Variants in SHISA9 observed in about 807,000 individuals in gnomAD.
SHISA9 encodes protein shisa-9.
In SHISA9, 13 loss-of-function variants were observed where a neutral mutation model predicts 38.0. That is an observed-to-expected ratio of 0.34 (90% CI 0.22 to 0.54). The LOEUF (loss-of-function observed/expected upper bound fraction) is 0.54, where lower values mean the gene tolerates loss of function less well. Ranked by LOEUF, SHISA9 falls within the 20% of genes least tolerant of loss-of-function variation. The pLI is 0.91. For missense variants in SHISA9, 538 were observed against 575.8 expected (o/e 0.93, Z 0.67); for synonymous variants, 275 against 242.0 (o/e 1.14, Z -1.27).
chr16:12,959,046 G>A lies in SHISA9; in HGVS notation c.691+42231G>A, dbSNP rs117524228. Reference sequence around the variant, plus strand: ...CTTGGGCAAAACCTTAAAGGCCATGGTACAGAGCTGGAATCTTATATTGCA... The same window carrying A: ...CTTGGGCAAAACCTTAAAGGCCATGATACAGAGCTGGAATCTTATATTGCA... On this transcript the variant is annotated intron_variant, in intron 2 of 4. Coordinates refer to ENST00000558583, the MANE Select transcript of SHISA9 (RefSeq NM_001145204.3). 5.9e-3 allele frequency among the ~76,000 whole-genome samples: 899 copies of A among 152,288 alleles called. 8 individuals carry two copies. Among genetic ancestry groups the A allele is most frequent in the Middle Eastern group, 0.034 (10 of 294 alleles).
intron 2 of SHISA9, among the ~76,000 whole-genome samples, chr16:13,073,093 T>G (rs1018148501): frequency 6.6e-6 from 1 of 152,190 alleles, no homozygotes; most frequent in Non-Finnish European, 1.5e-5. Flanking sequence ...GCTCGTCCCT[T>G]ATTCCCATTT....
chr16:13,441,988 G>C, the SHISA9 span, among the ~76,000 whole-genome samples: 2 of 152,218 alleles, frequency 1.3e-5, no homozygotes, highest in Admixed American at 1.3e-4. Flanking sequence ...TGCAAACTCA[G>C]CTGCCTCCAG....
At position 12,945,591 on chromosome 16, in the gene SHISA9, T is replaced by C. The variant is rs1422698335; in HGVS notation, c.691+28776T>C. Among the ~76,000 whole-genome samples, 5 of 152,366 alleles carry C rather than the reference T, an allele frequency of 3.3e-5. No homozygotes were observed. In the East Asian group the frequency reaches 7.7e-4, roughly 24 times the overall value. On this transcript the variant is annotated intron_variant, in intron 2 of 4. Transcript: ENST00000558583. ...AAATAATTGTTACAAGAACAAGTTC[T>C]GGGTTCAAATTCAGACTCCACCACT...
intron 2 of SHISA9, among the ~76,000 whole-genome samples, chr16:13,000,954 G>C (rs1359582484): frequency 6.6e-6 from 1 of 152,060 alleles, no homozygotes; most frequent in Non-Finnish European, 1.5e-5. Context: ...TTTTGAGATG[G>C]AGTCTCACTC....
intron 2 of SHISA9, among the ~76,000 whole-genome samples, chr16:13,018,591 G>T (rs1596588113): frequency 6.6e-6 from 1 of 152,216 alleles, no homozygotes; most frequent in Admixed American, 6.5e-5. Context: ...CAGGCAGGGG[G>T]TGTGGAGACT....
intron 2 of SHISA9, among the ~76,000 whole-genome samples, chr16:13,103,560 C>A (rs775931327): frequency 6.6e-6 from 1 of 152,092 alleles, no homozygotes; most frequent in Admixed American, 6.5e-5. Flanking sequence ...AGTAACCCAA[C>A]CTGCCTAGGC....
At chr16:13,077,660 G>A (rs2073599147) in intron 2 of SHISA9, among the ~76,000 whole-genome samples, 1 of 152,162 alleles carries the variant, frequency 6.6e-6, no homozygotes, top group Admixed American at 6.5e-5. Flanking sequence ...TCAAAGTCAA[G>A]TGTTGGAGAA....
the SHISA9 span, among the ~76,000 whole-genome samples, chr16:13,498,739 A>C: frequency 6.6e-6 from 1 of 152,208 alleles, no homozygotes; most frequent in African/African-American, 2.4e-5. Flanking sequence ...CCTGGGTGAC[A>C]GAGTGAGACT....
chr16:13,317,827 T>C, the SHISA9 span, among the ~76,000 whole-genome samples: 1 of 152,092 alleles, frequency 6.6e-6, no homozygotes, highest in Non-Finnish European at 1.5e-5. Context: ...ACTTCATGAT[T>C]TTTTTTCCAG....
chr16:13,495,460 A>T, the SHISA9 span, among the ~76,000 whole-genome samples: 1 of 152,168 alleles, frequency 6.6e-6, no homozygotes, highest in African/African-American at 2.4e-5. Context: ...TAAGAACTAT[A>T]AAGAAAGAAA....
At chr16:13,354,370 T>C in the SHISA9 span, among the ~76,000 whole-genome samples, 2 of 134,944 alleles carry the variant, frequency 1.5e-5, no homozygotes, top group Admixed American at 1.5e-4. Flanking sequence ...AGAAGGAAAT[T>C]TGGGGAAATG....
chr16:13,026,642 C>T lies in SHISA9; in HGVS notation c.691+109827C>T, dbSNP rs73516746. Among the ~76,000 whole-genome samples, 771 of 151,890 alleles carry T rather than the reference C, an allele frequency of 5.1e-3. 5 individuals carry two copies. The highest frequency in any genetic ancestry group is 0.017 in the African/African-American group (708 of 41,238). ...TTCTATGTTTAATCTTTTGAGAAAC[C>T]TCTATATTGTGTTTCACAGCAGCTG... On this transcript the variant is annotated intron_variant, in intron 2 of 4. Transcript: ENST00000558583.
chr16:13,042,894 C>G (rs921627476), intron 2 of SHISA9, among the ~76,000 whole-genome samples: 1 of 152,152 alleles, frequency 6.6e-6, no homozygotes, highest in Non-Finnish European at 1.5e-5. Context: ...CCCTGGCACA[C>G]GGTAGAGGCT....
the SHISA9 span, among the ~76,000 whole-genome samples, chr16:13,490,539 T>C: frequency 6.6e-6 from 1 of 152,208 alleles, no homozygotes; most frequent in African/African-American, 2.4e-5. Flanking sequence ...CACCCCAGCC[T>C]GGGCAACAGA....
At chr16:13,166,463 G>C (rs1050478076) in intron 2 of SHISA9, among the ~76,000 whole-genome samples, 1 of 152,192 alleles carries the variant, frequency 6.6e-6, no homozygotes, top group Non-Finnish European at 1.5e-5. Flanking sequence ...AGATTGGAGA[G>C]ACTTTTCCTA....
At chr16:13,172,634 G>A (rs913593491) in intron 2 of SHISA9, among the ~76,000 whole-genome samples, 5 of 151,838 alleles carry the variant, frequency 3.3e-5, no homozygotes, top group Non-Finnish European at 7.4e-5. Flanking sequence ...AAGAGCCGTC[G>A]TTGAGTCTTC....
At chr16:13,489,111 A>G in the SHISA9 span, among the ~76,000 whole-genome samples, 1 of 151,864 alleles carries the variant, frequency 6.6e-6, no homozygotes, top group Admixed American at 6.6e-5. Flanking sequence ...TAATGGCACT[A>G]TCTCAGCTCA....
intron 4 of SHISA9, among the ~76,000 whole-genome samples, chr16:13,226,605 A>G (rs1014619781): frequency 1.3e-5 from 2 of 152,218 alleles, no homozygotes; most frequent in African/African-American, 4.8e-5. Context: ...TCCAAATCTT[A>G]GTTGCTGAGC....
the SHISA9 span, among the ~76,000 whole-genome samples, chr16:13,362,765 C>T: frequency 1.3e-5 from 2 of 152,140 alleles, no homozygotes; most frequent in African/African-American, 4.8e-5. Context: ...TTCTTCTCTC[C>T]CAACTCCTGG....
Sources: gnomAD v4.1 joint callset for allele counts (sites outside exome capture counted in the v4.1 genomes callset) on GRCh38, gnomAD v4.1.1 for gene constraint, MANE v1.5 for transcripts, NCBI Gene and HGNC (gene_info 2026-07-23, HGNC 2026-07-21) for gene names.